The following COL4A4 variants were observed in gnomAD, a reference collection of about 807,000 sequenced individuals.
COL4A4 encodes the protein collagen type IV alpha 4 chain.
COL4A4 carries 105 observed loss-of-function variants against 192.9 expected under a neutral mutation model. The ratio of observed to expected loss-of-function variants is 0.54; its 90% CI spans 0.46 to 0.64. COL4A4 has a LOEUF of 0.64. Among genes scored for constraint, COL4A4 ranks in the 30% least tolerant of loss-of-function variants. The pLI, the probability that COL4A4 is intolerant of heterozygous loss-of-function variation, is 0.00. For missense variants in COL4A4, 1,967 were observed against 2,169.3 expected (o/e 0.91, Z 1.85); for synonymous variants, 762 against 769.9 (o/e 0.99, Z 0.17).
intron 31 of COL4A4, among the ~76,000 whole-genome samples, chr2:227,052,923 C>G (rs947276576): frequency 6.6e-6 from 1 of 152,262 alleles, no homozygotes; most frequent in East Asian, 1.9e-4. Flanking sequence ...CACTGGCCAG[C>G]TGTAGCAATG....
intron 44 of COL4A4, among the ~76,000 whole-genome samples, chr2:227,019,501 G>A (rs1234960634): frequency 2.0e-5 from 3 of 152,078 alleles, no homozygotes; most frequent in East Asian, 3.9e-4. Context: ...CTGTGCTCCC[G>A]CCATCTCCCT....
intron 17 of COL4A4, among the ~76,000 whole-genome samples, chr2:227,100,314 A>G (rs1242798474): frequency 6.6e-6 from 1 of 152,108 alleles, no homozygotes; most frequent in Non-Finnish European, 1.5e-5. Context: ...CAAAAGGATC[A>G]CTTCTCAAAT....
rs182002030 is a variant in COL4A4, at chr2:227,047,627, G to T, written c.3215-78C>A. The T allele has an allele frequency of 7.6e-5, 67 of 878,924 alleles. No homozygotes were observed. In the African/African-American group the frequency reaches 1.1e-3, roughly 14 times the overall value. The allele number at this position is 878,924 out of a possible 1,614,324, so 54.4% of individuals were successfully genotyped here. On this transcript the variant is annotated intron_variant, in intron 34 of 47. Transcript: ENST00000396625. ...CATACAGGTGACAGTAACGTTTATG[G>T]TATTTGTATAGCTTATCTTCAGATA... is the stretch of plus-strand genomic sequence containing the variant.
the COL4A4 span, among the ~76,000 whole-genome samples, chr2:226,992,461 A>G: frequency 6.6e-6 from 1 of 152,208 alleles, no homozygotes; most frequent in African/African-American, 2.4e-5. Flanking sequence ...AGGATTTAAA[A>G]TACCCTTAAG....
the COL4A4 span, among the ~76,000 whole-genome samples, chr2:226,976,314 CAA>C: frequency 6.7e-6 from 1 of 148,916 alleles, no homozygotes; most frequent in Non-Finnish European, 1.5e-5. Context: ...CACCACTAGA[CAA>C]AGAGAAATGA....
intron 19 of COL4A4, among the ~76,000 whole-genome samples, 173 bp from the exon 20 acceptor site, chr2:227,094,462 G>A (rs1257356240): frequency 1.3e-5 from 2 of 152,152 alleles, no homozygotes; most frequent in Admixed American, 6.5e-5. Flanking sequence ...AAGAAATACT[G>A]CATGATCTCA....
Position 227,088,836 on chromosome 2 carries a change from C to A in COL4A4, c.1460-20G>T, listed in dbSNP as rs770214249. The A allele has an allele frequency of 1.2e-6, 2 of 1,613,744 alleles. No individual in the cohort carries two copies. The highest frequency in any genetic ancestry group is 1.1e-5 in the South Asian group (1 of 91,062). On this transcript the variant is annotated intron_variant, in intron 21 of 47. Coordinates refer to ENST00000396625, the MANE Select transcript of COL4A4 (RefSeq NM_000092.5). Reference sequence around the variant, plus strand: ...CATTTCCTAGACAGAGGATCAATGGCAGATTTGTCATATTTCCTGAATAAA... The same window carrying A: ...CATTTCCTAGACAGAGGATCAATGGAAGATTTGTCATATTTCCTGAATAAA...
At chr2:227,063,942 AT>A (rs1224345486) in intron 25 of COL4A4, among the ~76,000 whole-genome samples, 1 of 152,124 alleles carries the variant, frequency 6.6e-6, no homozygotes, top group Non-Finnish European at 1.5e-5. Context: ...ATATTTTAGC[AT>A]CTTAAGGATT....
At chr2:227,041,826 A>AGAG in intron 37 of COL4A4, among the ~76,000 whole-genome samples, 1 of 38,196 alleles carries the variant, frequency 2.6e-5, no homozygotes, top group African/African-American at 1.4e-4. Context: ...GAAAGAAAGA[A>AGAG]AGAAAGAAAG....
chr2:227,123,412 T>C lies in COL4A4; in HGVS notation c.193-2264A>G, dbSNP rs2061914333. 6.6e-6 allele frequency among the ~76,000 whole-genome samples: 1 copy of C among 152,274 alleles called. No homozygotes were observed. The highest frequency in any genetic ancestry group is 1.9e-4 in the East Asian group (1 of 5,176). On this transcript the variant is annotated intron_variant, in intron 4 of 47. Transcript: ENST00000396625. The surrounding 1 kb of genome is among the most constrained non-coding windows in gnomAD (Gnocchi z 4.6). The stretch of plus-strand genomic sequence containing the variant: ...GGTGCTCCAGGAGCAACACAGAGGA[T>C]GAGAAGTCAATGAGACCAACTTCTC...
At chr2:227,020,171 A>G (rs1321300827) in intron 44 of COL4A4, among the ~76,000 whole-genome samples, 1 of 152,224 alleles carries the variant, frequency 6.6e-6, no homozygotes, top group Non-Finnish European at 1.5e-5. Flanking sequence ...GAATTTGCAG[A>G]ACCCAGTTAT....
Position 227,102,836 on chromosome 2 carries a change from T to C in COL4A4, c.883A>G (p.Ile295Val), listed in dbSNP as rs200169272. The change falls in exon 15 of 48, where the codon ATT becomes GTT. Residue 295 changes from isoleucine (I) to valine (V), a missense_variant. Physicochemically the swap from Ile to Val is conservative, Grantham distance 29. Transcript: ENST00000396625. ...GPPGRKGESG[I>V]GAKGEKGIPG... is the part of the protein sequence containing the mutation. ...ATACCTTTTTCTCCTTTTGCCCCAA[T>C]ACCAGATTCTCCCTTTAAGAGATGA... The C allele has an allele frequency of 1.2e-6, 2 of 1,613,040 alleles. No individual in the cohort carries two copies. The highest frequency in any genetic ancestry group is 1.7e-6 in the Non-Finnish European group (2 of 1,179,398).
intron 22 of COL4A4, among the ~76,000 whole-genome samples, chr2:227,083,543 C>T (rs2059430306): frequency 6.6e-6 from 1 of 152,120 alleles, no homozygotes; most frequent in Admixed American, 6.5e-5. Context: ...AACCTCTGGG[C>T]TCAAGCAATC....
intron 25 of COL4A4, among the ~76,000 whole-genome samples, chr2:227,075,479 G>T (rs1290132548): frequency 6.6e-6 from 1 of 152,074 alleles, no homozygotes; most frequent in Non-Finnish European, 1.5e-5. Flanking sequence ...GTTATTGATG[G>T]AACATATCTC....
At chr2:227,131,073 A>G (rs1371851876) in intron 4 of COL4A4, among the ~76,000 whole-genome samples, 2 of 152,092 alleles carry the variant, frequency 1.3e-5, no homozygotes, top group Non-Finnish European at 2.9e-5. Context: ...TATAACATAA[A>G]TCCAATCTGC....
intron 22 of COL4A4, among the ~76,000 whole-genome samples, chr2:227,085,562 G>A (rs1464322085): frequency 4.6e-5 from 7 of 152,200 alleles, no homozygotes; most frequent in Admixed American, 4.6e-4. Context: ...TCAGCTTCTG[G>A]TAAGCCCTCA....
At chr2:227,097,646 T>C (rs1055850999) in intron 19 of COL4A4, among the ~76,000 whole-genome samples, 4 of 152,190 alleles carry the variant, frequency 2.6e-5, no homozygotes, top group African/African-American at 9.7e-5. Flanking sequence ...CAGAGTCCAG[T>C]GCTTTCTGAC....
intron 20 of COL4A4, among the ~76,000 whole-genome samples, chr2:227,091,972 G>A (rs2059964785): frequency 6.6e-6 from 1 of 151,854 alleles, no homozygotes. Flanking sequence ...AAAGCTACAT[G>A]CTGGATTAAA....
At position 227,078,877 on chromosome 2, in the gene COL4A4, T is replaced by C. The variant is rs1281702946; in HGVS notation, c.1804-800A>G. ...CTGGTTCTGTTCCTCTGATAAAAATTAGATTGTCAACTACCTTCCTAGGCA... is the reference window on the plus strand; with the variant it reads ...CTGGTTCTGTTCCTCTGATAAAAATCAGATTGTCAACTACCTTCCTAGGCA... On this transcript the variant is annotated intron_variant, in intron 24 of 47. Transcript: ENST00000396625. 2.0e-5 allele frequency among the ~76,000 whole-genome samples: 3 copies of C among 152,342 alleles called. No homozygotes were observed. The East Asian group carries it at 5.8e-4, about 29-fold the overall frequency.
Sources: allele counts gnomAD v4.1 joint callset (sites outside exome capture counted in the v4.1 genomes callset), GRCh38; gene constraint gnomAD v4.1.1; non-coding constraint Gnocchi (gnomAD v3.1); transcripts MANE v1.5; gene names NCBI Gene and HGNC (gene_info 2026-07-23, HGNC 2026-07-21).